Variants in ZNF695 observed in about 807,000 individuals in gnomAD.
ZNF695 encodes the protein zinc finger protein 695, also known as zinc finger protein SBZF3.
A neutral mutation model predicts 11.2 loss-of-function variants in ZNF695; 11 were observed. The ratio of observed to expected loss-of-function variants is 0.98; its 90% CI spans 0.62 to 1.62. ZNF695 has a LOEUF of 1.62. Ranked by LOEUF, ZNF695 falls within the 40% of genes most tolerant of loss-of-function variation. The pLI, the probability that ZNF695 is intolerant of heterozygous loss-of-function variation, is 0.00. For synonymous variants in ZNF695, 190 were observed against 201.4 expected (o/e 0.94, Z 0.48); for missense variants, 559 against 590.5 (o/e 0.95, Z 0.55).
At chr1:246,966,046 AG>A (rs1668282966) in intron 5 of ZNF695, among the ~76,000 whole-genome samples, 1 of 152,004 alleles carries the variant, frequency 6.6e-6, no homozygotes, top group Non-Finnish European at 1.5e-5. Flanking sequence ...AAGAAAGTGA[AG>A]GAGCAAGTCA....
chr1:246,988,061 G>C lies in ZNF695; in HGVS notation c.454C>G (p.His152Asp). ...TTATTGCATTGAAAGTTTTTGCTAT[G>C]AGTAGTTGCTGAGCATAGGTCAAGT... ...NGLDLCSATTHSKNFQCNKCV... is the reference protein window; with the variant it reads ...NGLDLCSATTDSKNFQCNKCV... The change falls in exon 4 of 4, where the codon CAT (histidine) becomes GAT (aspartate). Residue 152 changes from histidine to aspartate, a missense_variant. Coordinates refer to ENST00000339986, the MANE Select transcript of ZNF695 (RefSeq NM_020394.5). 1 of 1,604,394 alleles carries C rather than the reference G, an allele frequency of 6.2e-7. No homozygotes were observed. The highest frequency in any genetic ancestry group is 8.5e-7 in the Non-Finnish European group (1 of 1,177,264).
chr1:246,977,254 A>T (rs1293258370), intron 4 of ZNF695, among the ~76,000 whole-genome samples: 2 of 152,136 alleles, frequency 1.3e-5, no homozygotes, highest in Admixed American at 6.6e-5. Flanking sequence ...TTATGAAAGG[A>T]TACATTTTTT....
intron 5 of ZNF695, among the ~76,000 whole-genome samples, chr1:246,952,192 G>A (rs757162135): frequency 1.1e-4 from 16 of 152,122 alleles, no homozygotes; most frequent in Non-Finnish European, 2.2e-4. Context: ...CAAGTGATCT[G>A]CCTGCCTCGG....
intron 1 of ZNF695, 80 bp downstream of exon 1, chr1:247,007,825 GC>G: frequency 6.9e-7 from 1 of 1,440,174 alleles, no homozygotes; most frequent in South Asian, 1.5e-5. Flanking sequence ...GCCCGGGGCC[GC>G]CAGCGCTGGT....
chr1:246,978,456 A>G (rs1004266781), intron 4 of ZNF695, among the ~76,000 whole-genome samples: 4 of 152,226 alleles, frequency 2.6e-5, no homozygotes, highest in Non-Finnish European at 5.9e-5. Flanking sequence ...GTGGTGCTTT[A>G]ATTTGCATGA....
intron 4 of ZNF695, among the ~76,000 whole-genome samples, chr1:246,975,092 A>C (rs1420552892): frequency 6.6e-6 from 1 of 152,152 alleles, no homozygotes; most frequent in Non-Finnish European, 1.5e-5. Context: ...TATCTTAATT[A>C]GTTGTTTTTG....
intron 5 of ZNF695, chr1:246,945,925 T>C (rs961653658): frequency 7.0e-7 from 1 of 1,432,610 alleles, no homozygotes; most frequent in Non-Finnish European, 9.6e-7. Flanking sequence ...ATTGAAGACT[T>C]GGTTCCATTG....
intron 4 of ZNF695, among the ~76,000 whole-genome samples, chr1:246,975,856 G>A (rs1015103778): frequency 6.6e-5 from 10 of 151,972 alleles, no homozygotes; most frequent in African/African-American, 2.4e-4. Flanking sequence ...AAGAGGCTAA[G>A]TCTCAAAAGA....
At chr1:246,996,817 G>C (rs573288766) in intron 3 of ZNF695, among the ~76,000 whole-genome samples, 97 of 152,280 alleles carry the variant, frequency 6.4e-4, no homozygotes, top group Non-Finnish European at 1.1e-3. Context: ...TGAGATATCT[G>C]AAACAGATCC....
At position 247,000,011 on chromosome 1, in the gene ZNF695, G is replaced by A. The variant is rs1431825772; in HGVS notation, c.67C>T (p.Pro23Ser). Residue 23 changes from proline (P) to serine (S), a missense_variant, in exon 2 of 4, where the codon CCA (proline) becomes TCA (serine). Physicochemically the swap from Pro to Ser is moderately conservative, Grantham distance 74 (BLOSUM62 -1). Coordinates refer to ENST00000339986, the MANE Select transcript of ZNF695 (RefSeq NM_020394.5). ...FSPEEWECLD[P>S]AQRSLYRDVM... ...TCCCTATACAAACTCCGCTGAGCTG[G>A]GTCCAGGCATTCCCACTCCTCTGGA... The A allele has an allele frequency of 6.2e-7, 1 of 1,613,870 alleles. No individual in the cohort carries two copies. Among genetic ancestry groups the A allele is most frequent in the Non-Finnish European group, 8.5e-7 (1 of 1,179,996 alleles).
intron 4 of ZNF695, among the ~76,000 whole-genome samples, chr1:246,973,045 C>CATATAT (rs35647542): frequency 1.3e-3 from 190 of 145,820 alleles, no homozygotes; most frequent in African/African-American, 4.3e-3. Flanking sequence ...ACACTAAGAA[C>CATATAT]ATATATATAT....
At chr1:246,990,965 C>T (rs1386344648) in intron 3 of ZNF695, among the ~76,000 whole-genome samples, 1 of 151,974 alleles carries the variant, frequency 6.6e-6, no homozygotes, top group Non-Finnish European at 1.5e-5. Context: ...GCAGTACAAA[C>T]AGGGAAGTTT....
intron 4 of ZNF695, among the ~76,000 whole-genome samples, chr1:246,971,602 T>C (rs1013094846): frequency 1.3e-5 from 2 of 152,202 alleles, no homozygotes; most frequent in Admixed American, 1.3e-4. Context: ...TGCCTTCTGG[T>C]CGCTTCTCAC....
Position 246,987,124 on chromosome 1 carries a change from T to C in ZNF695, c.1391A>G (p.Tyr464Cys), listed in dbSNP as rs1299815703. 6.2e-7 allele frequency: 1 copy of C among 1,613,930 alleles called. No individual in the cohort carries two copies. Among genetic ancestry groups the C allele is most frequent in the African/African-American group, 1.3e-5 (1 of 74,898 alleles). Residue 464 changes from tyrosine to cysteine, a missense_variant, in exon 4 of 4, where the codon TAC becomes TGC. By Grantham distance (194) the Tyr-to-Cys change is radical (BLOSUM62 -2). Transcript: ENST00000339986. ...HKRIHTGEKP[Y>C]KCEECGKAFG... is the part of the protein sequence containing the mutation. ...GGCTTTGCCACATTCTTCACATTTG[T>C]AGGGTTTCTCTCCAGTATGAATTCT...
chr1:246,986,898 T>C lies in ZNF695; in HGVS notation c.*69A>G, dbSNP rs1165571323. On this transcript the variant is annotated 3_prime_UTR_variant, in exon 4 of 4. Coordinates refer to ENST00000339986, the MANE Select transcript of ZNF695 (RefSeq NM_020394.5). ...TTGTAACACTCTTATTCAGTAAAAATATTCTGCTGTGAAGTTGTGAATAGG... is the reference window on the plus strand; with the variant it reads ...TTGTAACACTCTTATTCAGTAAAAACATTCTGCTGTGAAGTTGTGAATAGG... The C allele has an allele frequency of 2.5e-5, 37 of 1,505,658 alleles. No individual in the cohort carries two copies. The highest frequency in any genetic ancestry group is 3.3e-5 in the Non-Finnish European group (37 of 1,130,230). The allele number at this position is 1,505,658 out of a possible 1,614,324, so 93.3% of individuals were successfully genotyped here. A position where few individuals can be genotyped will look rare whatever the true frequency, so the allele number is the denominator to read the frequency against.
At chr1:246,950,288 G>A (rs1667839713) in intron 5 of ZNF695, among the ~76,000 whole-genome samples, 1 of 152,006 alleles carries the variant, frequency 6.6e-6, no homozygotes, top group Non-Finnish European at 1.5e-5. Context: ...CCTCTCAAAT[G>A]GTTTAAAAAT....
intron 3 of ZNF695, among the ~76,000 whole-genome samples, chr1:246,988,745 C>T (rs186136529): frequency 8.5e-5 from 13 of 152,240 alleles, no homozygotes; most frequent in East Asian, 3.9e-4. Flanking sequence ...CACCTGAGGT[C>T]GGGAATTCAA....
downstream of ZNF695, chr1:246,945,601 GA>G: frequency 1.7e-6 from 1 of 580,578 alleles, no homozygotes; most frequent in Non-Finnish European, 3.1e-6. Flanking sequence ...AATGAAAAGG[GA>G]AAAAAAGAGA....
Position 246,986,146 on chromosome 1 carries a change from T to C in ZNF695, c.*821A>G, listed in dbSNP as rs1251823648. On this transcript the variant is annotated 3_prime_UTR_variant, in exon 4 of 4. Transcript: ENST00000339986. The stretch of plus-strand genomic sequence containing the variant: ...GTGAAGTTGCCAGATAGCAGCTCAC[T>C]GCATCCTCAACCTCCAGGCTCAAGC... 5.8e-6 allele frequency: 4 copies of C among 687,094 alleles called. No individual in the cohort carries two copies. In the African/African-American group the frequency reaches 7.8e-5, roughly 13 times the overall value. 42.6% of individuals were successfully genotyped at this position (687,094 alleles called of 1,614,324 possible).
Sources: gnomAD v4.1 joint callset for allele counts (sites outside exome capture counted in the v4.1 genomes callset) on GRCh38, gnomAD v4.1.1 for gene constraint, MANE v1.5 for transcripts, NCBI Gene and HGNC (gene_info 2026-07-23, HGNC 2026-07-21) for gene names.